CHST11: variants seen among roughly 807,000 people sequenced by gnomAD.
The protein encoded by CHST11 is carbohydrate sulfotransferase 11.
CHST11 carries 9 observed loss-of-function variants against 30.4 expected under a neutral mutation model. The ratio of observed to expected loss-of-function variants is 0.30; its 90% CI spans 0.18 to 0.52. The LOEUF (loss-of-function observed/expected upper bound fraction) is 0.52. Ranked by LOEUF, CHST11 falls within the 20% of genes least tolerant of loss-of-function variation. The pLI is 0.97. For synonymous variants in CHST11, 152 were observed against 187.8 expected (o/e 0.81, Z 1.56); for missense variants, 348 against 460.6 (o/e 0.76, Z 2.24).
At chr12:104,625,747 T>G (rs1048235303) in intron 2 of CHST11, among the ~76,000 whole-genome samples, 1 of 152,264 alleles carries the variant, frequency 6.6e-6, no homozygotes, top group Non-Finnish European at 1.5e-5. Flanking sequence ...CATGTGAACC[T>G]GTGATTTTGT....
chr12:104,629,995 T>G (rs1182687225), intron 2 of CHST11, among the ~76,000 whole-genome samples: 7 of 152,244 alleles, frequency 4.6e-5, no homozygotes, highest in Non-Finnish European at 1.5e-5. Context: ...TGAATCAGAT[T>G]TAAAGCCAAC....
At chr12:104,736,820 G>T (rs569527556) in intron 2 of CHST11, among the ~76,000 whole-genome samples, 161 of 152,298 alleles carry the variant, frequency 1.1e-3, no homozygotes, top group Non-Finnish European at 8.8e-4. Context: ...AGCGCTGTAG[G>T]TGTACTAGAA....
At chr12:104,711,546 T>TAATTGAA (rs2040088098) in intron 2 of CHST11, among the ~76,000 whole-genome samples, 1 of 152,040 alleles carries the variant, frequency 6.6e-6, no homozygotes, top group Non-Finnish European at 1.5e-5. Flanking sequence ...AGCCAATTTA[T>TAATTGAA]AATTGAATCC....
intron 2 of CHST11, among the ~76,000 whole-genome samples, chr12:104,647,797 G>A (rs1471184643): frequency 4.6e-5 from 7 of 152,178 alleles, no homozygotes; most frequent in Non-Finnish European, 7.3e-5. Context: ...CTGTGGTTTG[G>A]GCTGTAGTCA....
chr12:104,630,832 G>A (rs2136067303), intron 2 of CHST11, among the ~76,000 whole-genome samples: 1 of 152,314 alleles, frequency 6.6e-6, no homozygotes, highest in African/African-American at 2.4e-5. Context: ...ATGAAGAAAT[G>A]AGCATAATTG....
At chr12:104,721,695 A>G (rs2136126860) in intron 2 of CHST11, among the ~76,000 whole-genome samples, 1 of 152,304 alleles carries the variant, frequency 6.6e-6, no homozygotes, top group South Asian at 2.1e-4. Flanking sequence ...GCCACCTCAA[A>G]GAGAACACAA....
chr12:104,713,820 A>G lies in CHST11; in HGVS notation c.205-43129A>G, dbSNP rs149601636. On this transcript the variant is annotated intron_variant, in intron 2 of 2. Transcript: ENST00000303694. Reference sequence around the variant, plus strand: ...CGGTTTTCTCCCCAGGCCAGCTCCTATGGATGAGCAGAGGCTGCCTGAAGA... The same window carrying G: ...CGGTTTTCTCCCCAGGCCAGCTCCTGTGGATGAGCAGAGGCTGCCTGAAGA... Among the ~76,000 whole-genome samples, 12 of 152,304 alleles carry G rather than the reference A, an allele frequency of 7.9e-5. No individual in the cohort carries two copies. The East Asian group carries it at 2.1e-3, about 27-fold the overall frequency.
chr12:104,750,952 G>A (rs1190082900), intron 2 of CHST11, among the ~76,000 whole-genome samples: 2 of 152,134 alleles, frequency 1.3e-5, no homozygotes, highest in African/African-American at 4.8e-5. Flanking sequence ...GCATTCTCTT[G>A]ACCCCTACCC....
At chr12:104,516,194 C>A (rs902806827) in intron 1 of CHST11, among the ~76,000 whole-genome samples, 1 of 152,162 alleles carries the variant, frequency 6.6e-6, no homozygotes, top group Non-Finnish European at 1.5e-5. Flanking sequence ...TCACTAGATA[C>A]TTGTTGTGAT....
intron 1 of CHST11, among the ~76,000 whole-genome samples, chr12:104,548,093 A>G (rs1157725958): frequency 2.0e-5 from 3 of 152,198 alleles, no homozygotes; most frequent in Non-Finnish European, 4.4e-5. Context: ...AACGTATCTT[A>G]ATTGATGCAG....
chr12:104,472,984 A>C (rs1459829462), intron 1 of CHST11, among the ~76,000 whole-genome samples: 1 of 152,160 alleles, frequency 6.6e-6, no homozygotes, highest in East Asian at 1.9e-4. Context: ...ACGGGAGCCC[A>C]GGGGTGGAGA....
At chr12:104,535,009 T>G (rs1209400975) in intron 1 of CHST11, among the ~76,000 whole-genome samples, 2 of 152,250 alleles carry the variant, frequency 1.3e-5, no homozygotes, top group Non-Finnish European at 2.9e-5. Context: ...TTTATATTTC[T>G]GTGAAACCCC....
At chr12:104,511,255 C>T (rs2037962831) in intron 1 of CHST11, among the ~76,000 whole-genome samples, 1 of 152,140 alleles carries the variant, frequency 6.6e-6, no homozygotes, top group Admixed American at 6.5e-5. Flanking sequence ...CAGCCTTCTC[C>T]TCACCTCCCT....
chr12:104,570,857 T>C (rs1004081841), intron 1 of CHST11, among the ~76,000 whole-genome samples: 1 of 151,854 alleles, frequency 6.6e-6, no homozygotes, highest in East Asian at 1.9e-4. Context: ...CACCCGGCTA[T>C]TTTTTGTATT....
chr12:104,727,818 T>C (rs1258558849), intron 2 of CHST11, among the ~76,000 whole-genome samples: 2 of 152,080 alleles, frequency 1.3e-5, no homozygotes, highest in African/African-American at 2.4e-5. Context: ...TATGGACTAG[T>C]GGGAGGATAA....
At position 104,596,152 on chromosome 12, in the gene CHST11, C is replaced by T. The variant is rs1338641546; in HGVS notation, c.119-5754C>T. ...CCTTCTGAAGGAGCTGGGTATTGCT[C>T]ACTCCTCTAACTTGATGAGGTTGAA... is the stretch of plus-strand genomic sequence containing the variant. On this transcript the variant is annotated intron_variant, in intron 1 of 2. Transcript: ENST00000303694. 2.0e-5 allele frequency among the ~76,000 whole-genome samples: 3 copies of T among 152,328 alleles called. No homozygotes were observed. In the East Asian group the frequency reaches 5.8e-4, roughly 29 times the overall value.
Position 104,757,564 on chromosome 12 carries a change from G to A in CHST11, c.820G>A (p.Asp274Asn), listed in dbSNP as rs1039005602. Residue 274 changes from aspartate (D) to asparagine (N), a missense_variant, in exon 3 of 3, where the codon GAC becomes AAC. By Grantham distance (23) the Asp-to-Asn change is conservative. This residue lies in a region of CHST11 where 210 missense variants were observed against 287.2 expected (regional missense o/e 0.73). Transcript: ENST00000303694. This position sits in a 1 kb window ranked among gnomAD's most constrained non-coding sequence, Gnocchi z 6.5. ...SLCHPCHIHY[D>N]LVGKYETLEE... ...CTGCCATCCCTGCCACATCCACTATGACCTCGTGGGCAAGTACGAGACACT... is the reference window on the plus strand; with the variant it reads ...CTGCCATCCCTGCCACATCCACTATAACCTCGTGGGCAAGTACGAGACACT... 2 of 1,614,126 alleles carry A rather than the reference G, an allele frequency of 1.2e-6. No individual in the cohort carries two copies. The highest frequency in any genetic ancestry group is 2.7e-5 in the African/African-American group (2 of 75,008).
intron 1 of CHST11, among the ~76,000 whole-genome samples, chr12:104,512,028 A>G (rs934809172): frequency 2.0e-5 from 3 of 152,224 alleles, no homozygotes; most frequent in African/African-American, 7.2e-5. Flanking sequence ...CTATGTGAGT[A>G]GTTGTTCCAC....
intron 1 of CHST11, among the ~76,000 whole-genome samples, chr12:104,520,189 C>G (rs1268189624): frequency 2.6e-5 from 4 of 152,210 alleles, no homozygotes; most frequent in Non-Finnish European, 5.9e-5. Context: ...GCTGGGGAGG[C>G]TTCAGGACAG....
Sources: gnomAD v4.1 joint callset for allele counts (sites outside exome capture counted in the v4.1 genomes callset) on GRCh38, gnomAD v4.1.1 for gene constraint, gnomAD v4.1.1 regional missense constraint, Gnocchi (gnomAD v3.1) non-coding constraint, MANE v1.5 for transcripts, NCBI Gene and HGNC (gene_info 2026-07-23, HGNC 2026-07-21) for gene names.